The following ANAPC13 variants were observed in gnomAD, a reference collection of about 807,000 sequenced individuals.
ANAPC13 encodes anaphase-promoting complex subunit 13.
A neutral mutation model predicts 9.6 loss-of-function variants in ANAPC13; 9 were observed. The ratio of observed to expected loss-of-function variants is 0.94; its 90% CI spans 0.57 to 1.64. The LOEUF (loss-of-function observed/expected upper bound fraction) is 1.64. ANAPC13 is among the 40% of genes most tolerant of loss of function. ANAPC13 has a pLI of 0.00. For synonymous variants in ANAPC13, 30 were observed against 29.7 expected (o/e 1.01, Z -0.03); for missense variants, 75 against 85.3 (o/e 0.88, Z 0.48).
intron 2 of ANAPC13, among the ~76,000 whole-genome samples, chr3:134,481,450 C>T (rs1022524408): frequency 1.3e-5 from 2 of 152,226 alleles, no homozygotes; most frequent in Non-Finnish European, 2.9e-5. Context: ...CACTAAACTT[C>T]TGGTCCTTCC....
At chr3:134,484,285 C>T (rs1464092158) in intron 1 of ANAPC13, among the ~76,000 whole-genome samples, 1 of 152,076 alleles carries the variant, frequency 6.6e-6, no homozygotes, top group Non-Finnish European at 1.5e-5. Context: ...GAGGCTGAGG[C>T]AGGAGAATGG....
intron 1 of ANAPC13, among the ~76,000 whole-genome samples, chr3:134,485,154 G>C (rs961755666): frequency 3.9e-5 from 6 of 152,150 alleles, no homozygotes; most frequent in Non-Finnish European, 8.8e-5. Context: ...CCCATTTCCG[G>C]GATTAGGCGC....
chr3:134,485,991 G>GGGCCCCC, upstream of ANAPC13: 7 of 938,158 alleles, frequency 7.5e-6, no homozygotes, highest in Non-Finnish European at 7.6e-6. Context: ...CTCCTGCCAC[G>GGGCCCCC]CCCCCCCCCC....
At chr3:134,482,739 T>G in intron 2 of ANAPC13, 67 bp downstream of exon 2, 1 of 1,239,022 alleles carries the variant, frequency 8.1e-7, no homozygotes, top group Admixed American at 1.7e-5. Context: ...TCCATTGATA[T>G]CCCTCCTCCA....
rs113086382 is a variant in ANAPC13 at position 134,483,962 on chromosome 3, G to A, written c.-27-1031C>T. ...ACTTCAGACATCGTCTTGCCTTGAGGATTTGTGTCAGGTCTGTAGTTGGTC... is the reference window on the plus strand; with the variant it reads ...ACTTCAGACATCGTCTTGCCTTGAGAATTTGTGTCAGGTCTGTAGTTGGTC... On this transcript the variant is annotated intron_variant, in intron 1 of 2. Transcript: ENST00000354910. Among the ~76,000 whole-genome samples the A allele has an allele frequency of 8.7e-3, 1,319 of 152,336 alleles. 18 individuals carry two copies. The highest frequency in any genetic ancestry group is 0.03 in the African/African-American group (1,266 of 41,584).
In ANAPC13 at chr3:134,482,898, T is replaced by C. The variant is rs765314409; in HGVS notation, c.7A>G (p.Ser3Gly). 6.2e-7 allele frequency: 1 copy of C among 1,613,876 alleles called. No homozygotes were observed. Among genetic ancestry groups the C allele is most frequent in the Non-Finnish European group, 8.5e-7 (1 of 1,179,736 alleles). MD[S>G]EVQRDGRILD... ...ATCCTTCCATCTCTCTGAACCTCAC[T>C]GTCCATTTTCCTGCAGCTTTGATCT... The change falls in exon 2 of 3, where the codon AGT becomes GGT. Residue 3 changes from serine to glycine, a missense_variant. Transcript: ENST00000354910.
chr3:134,478,565 C>G lies in ANAPC13; in HGVS notation c.*25G>C, dbSNP rs748551766. 1 of 1,606,328 alleles carries G rather than the reference C, an allele frequency of 6.2e-7. No individual in the cohort carries two copies. ...CTTTATCTGTGTACTTTGAGAAAAT[C>G]CATCCACAAGAAAGGAGCCAAGCGT... On this transcript the variant is annotated 3_prime_UTR_variant, in exon 3 of 3. Transcript: ENST00000354910.
Position 134,478,474 on chromosome 3 carries a change from G to T in ANAPC13, c.*116C>A. The T allele has an allele frequency of 7.5e-7, 1 of 1,328,760 alleles. No individual in the cohort carries two copies. Among genetic ancestry groups the T allele is most frequent in the Non-Finnish European group, 1.0e-6 (1 of 970,058 alleles). 82.3% of individuals were successfully genotyped at this position (1,328,760 alleles called of 1,614,324 possible). A position where few individuals can be genotyped will look rare whatever the true frequency, so the allele number is the denominator to read the frequency against. On this transcript the variant is annotated 3_prime_UTR_variant, in exon 3 of 3. Transcript: ENST00000354910. Reference sequence around the variant, plus strand: ...GCACTTTGCTACCACAAACTAAATGGGTGTACATTTTTGAGTGCTGATTTA... The same window carrying T: ...GCACTTTGCTACCACAAACTAAATGTGTGTACATTTTTGAGTGCTGATTTA...
upstream of ANAPC13, chr3:134,485,991 G>GGCCC: frequency 6.4e-5 from 60 of 938,064 alleles, no homozygotes; most frequent in East Asian, 1.2e-4. Flanking sequence ...CTCCTGCCAC[G>GGCCC]CCCCCCCCCC....
chr3:134,485,723 C>T (rs1935063734), intron 1 of ANAPC13: 1 of 152,934 alleles, frequency 6.5e-6, no homozygotes, highest in Non-Finnish European at 1.5e-5. Context: ...CGTCCCTCAG[C>T]TGCGGCTTCC....
Position 134,478,468 on chromosome 3 carries a change from T to G in ANAPC13, c.*122A>C, listed in dbSNP as rs987551353. ...CGCATTGCACTTTGCTACCACAAAC[T>G]AAATGGGTGTACATTTTTGAGTGCT... On this transcript the variant is annotated 3_prime_UTR_variant, in exon 3 of 3. Transcript: ENST00000354910. 7 of 1,313,020 alleles carry G rather than the reference T, an allele frequency of 5.3e-6. No homozygotes were observed. The highest frequency in any genetic ancestry group is 7.3e-6 in the Non-Finnish European group (7 of 957,936). The allele number at this position is 1,313,020 out of a possible 1,614,324, so 81.3% of individuals were successfully genotyped here.
rs1448349701 is a variant in ANAPC13 at position 134,478,011 on chromosome 3, G to C, written c.*579C>G. On this transcript the variant is annotated 3_prime_UTR_variant, in exon 3 of 3. Transcript: ENST00000354910. The stretch of plus-strand genomic sequence containing the variant: ...AAGATCCTTTCCAGCAGCACAAAAG[G>C]AATTTGTAAGGAGAACAGAGATTAA... The C allele has an allele frequency of 6.6e-6, 1 of 152,092 alleles. No individual in the cohort carries two copies. Among genetic ancestry groups the C allele is most frequent in the Non-Finnish European group, 1.5e-5 (1 of 67,988 alleles). 9.4% of individuals were successfully genotyped at this position (152,092 alleles called of 1,614,324 possible).
In ANAPC13 at chr3:134,478,256, A is replaced by G; in HGVS notation, c.*334T>C. 4.9e-6 allele frequency: 1 copy of G among 205,434 alleles called. No homozygotes were observed. The highest frequency in any genetic ancestry group is 9.7e-6 in the Non-Finnish European group (1 of 102,914). 12.7% of individuals were successfully genotyped at this position (205,434 alleles called of 1,614,324 possible). A position where few individuals can be genotyped will look rare whatever the true frequency, so the allele number is the denominator to read the frequency against. ...TTTGCCTTTCCCTCTCATACGTTCA[A>G]TCACCTGTGTTACAGGACACACATA... On this transcript the variant is annotated 3_prime_UTR_variant, in exon 3 of 3. Coordinates refer to ENST00000354910, the MANE Select transcript of ANAPC13 (RefSeq NM_015391.4).
chr3:134,483,110 T>C, intron 1 of ANAPC13, 179 bp from the exon 2 acceptor site: 1 of 597,130 alleles, frequency 1.7e-6, no homozygotes, highest in Non-Finnish European at 3.0e-6. Flanking sequence ...CTGATACATA[T>C]TTTATAGTGT....
At chr3:134,483,092 AAC>A in intron 1 of ANAPC13, 161 bp from the exon 2 acceptor site, 2 of 608,312 alleles carry the variant, frequency 3.3e-6, no homozygotes, top group Non-Finnish European at 5.9e-6. Context: ...TCCTCTCTCC[AAC>A]CCCAACTGAT....
At chr3:134,480,617 C>A (rs887294044) in intron 2 of ANAPC13, among the ~76,000 whole-genome samples, 3 of 152,182 alleles carry the variant, frequency 2.0e-5, no homozygotes, top group African/African-American at 7.2e-5. Flanking sequence ...CTCTTGGAAC[C>A]CTGAGATTGA....
chr3:134,482,740 C>T, intron 2 of ANAPC13, 66 bp downstream of exon 2: 3 of 1,242,076 alleles, frequency 2.4e-6, no homozygotes, highest in Non-Finnish European at 3.6e-6. Context: ...CCATTGATAT[C>T]CCTCCTCCAC....
chr3:134,479,315 T>A (rs924081417), intron 2 of ANAPC13, among the ~76,000 whole-genome samples: 1 of 151,984 alleles, frequency 6.6e-6, no homozygotes, highest in African/African-American at 2.4e-5. Flanking sequence ...AAGAAATGTA[T>A]CCAAAAAATT....
intron 1 of ANAPC13, chr3:134,483,206 T>C: frequency 2.8e-6 from 1 of 361,174 alleles, no homozygotes; most frequent in Non-Finnish European, 5.1e-6. Flanking sequence ...CCTCAAATAT[T>C]AATATGTTGC....
Sources: allele counts gnomAD v4.1 joint callset (sites outside exome capture counted in the v4.1 genomes callset), GRCh38; gene constraint gnomAD v4.1.1; transcripts MANE v1.5; gene names NCBI Gene and HGNC (gene_info 2026-07-23, HGNC 2026-07-21).